CLSTN2: variants seen among roughly 807,000 people sequenced by gnomAD.
CLSTN2 encodes calsyntenin-2.
CLSTN2 carries 48 observed loss-of-function variants against 101.2 expected under a neutral mutation model. That is an observed-to-expected ratio of 0.47 (90% CI 0.38 to 0.60). CLSTN2 has a LOEUF of 0.60. Among genes scored for constraint, CLSTN2 ranks in the 20% least tolerant of loss-of-function variants. The probability of loss-of-function intolerance (pLI) is 0.00; values close to 1 mark genes in which losing one functional copy is unlikely to be tolerated. For synonymous variants in CLSTN2, 481 were observed against 463.6 expected (o/e 1.04, Z -0.48); for missense variants, 1,160 against 1,238.2 (o/e 0.94, Z 0.95).
At chr3:140,047,787 T>C (rs1242196364) in intron 1 of CLSTN2, among the ~76,000 whole-genome samples, 1 of 152,204 alleles carries the variant, frequency 6.6e-6, no homozygotes, top group East Asian at 1.9e-4. Context: ...AACCCATTAG[T>C]TCGTTAACAC....
At chr3:140,385,403 C>T (rs1365484689) in intron 2 of CLSTN2, among the ~76,000 whole-genome samples, 1 of 129,458 alleles carries the variant, frequency 7.7e-6, no homozygotes, top group African/African-American at 3.1e-5. Context: ...TGGCGTCTCG[C>T]TGTCGCCCAG....
chr3:139,957,280 C>T (rs557379492), intron 1 of CLSTN2, among the ~76,000 whole-genome samples: 1 of 152,196 alleles, frequency 6.6e-6, no homozygotes, highest in South Asian at 2.1e-4. Context: ...CCAGGCAGCA[C>T]CACTTACTCT....
At chr3:140,428,439 C>G (rs539299642) in intron 5 of CLSTN2, among the ~76,000 whole-genome samples, 2 of 152,264 alleles carry the variant, frequency 1.3e-5, no homozygotes, top group South Asian at 4.2e-4. Flanking sequence ...TTGAAGAGAG[C>G]CACCGGAGAC....
At chr3:140,500,490 G>C (rs1227788862) in intron 8 of CLSTN2, among the ~76,000 whole-genome samples, 4 of 152,170 alleles carry the variant, frequency 2.6e-5, no homozygotes, top group Non-Finnish European at 5.9e-5. Context: ...TATACTAAAG[G>C]ACAAGAAATT....
At chr3:140,176,167 G>A in intron 2 of CLSTN2, 94 bp downstream of exon 2, 1 of 1,368,782 alleles carries the variant, frequency 7.3e-7, no homozygotes, top group Non-Finnish European at 1.0e-6. Context: ...TATAGCTATT[G>A]TCACCACCCT....
At chr3:140,186,198 T>C (rs747403454) in intron 2 of CLSTN2, among the ~76,000 whole-genome samples, 13 of 152,122 alleles carry the variant, frequency 8.5e-5, no homozygotes, top group Non-Finnish European at 1.6e-4. Context: ...ATCAATGATA[T>C]TGAGAACCAG....
intron 2 of CLSTN2, among the ~76,000 whole-genome samples, chr3:140,275,913 G>C (rs2086790601): frequency 6.6e-6 from 1 of 152,188 alleles, no homozygotes; most frequent in African/African-American, 2.4e-5. Context: ...GATCTTGAAG[G>C]GTAGGAGTTA....
chr3:140,334,637 A>T (rs972653652), intron 2 of CLSTN2, among the ~76,000 whole-genome samples: 1 of 152,238 alleles, frequency 6.6e-6, no homozygotes, highest in Non-Finnish European at 1.5e-5. Flanking sequence ...AAATGACAGA[A>T]TGAAGGGACA....
chr3:139,960,370 A>G (rs982941697), intron 1 of CLSTN2, among the ~76,000 whole-genome samples: 9 of 152,086 alleles, frequency 5.9e-5, no homozygotes, highest in African/African-American at 1.7e-4. Flanking sequence ...TCTCCTCACT[A>G]TATTCTCTGT....
At chr3:140,539,370 A>G (rs1935423203) in intron 9 of CLSTN2, among the ~76,000 whole-genome samples, 1 of 152,212 alleles carries the variant, frequency 6.6e-6, no homozygotes, top group Admixed American at 6.5e-5. Flanking sequence ...TCAATTTGAT[A>G]TGGGGGTGCA....
In CLSTN2 at chr3:140,359,016, A is replaced by G. The variant is rs1160374619; in HGVS notation, c.233-44613A>G. Among the ~76,000 whole-genome samples, 5 of 152,128 alleles carry G rather than the reference A, an allele frequency of 3.3e-5. 1 individual carries two copies. On this transcript the variant is annotated intron_variant, in intron 2 of 16. Transcript: ENST00000458420. ...CCAACATTCAGACATCTATACCAAG[A>G]GCAAAGATCCTGTCGTTCAAAGTGT...
intron 2 of CLSTN2, among the ~76,000 whole-genome samples, chr3:140,400,713 A>G (rs13096759): frequency 0.11 from 17,206 of 151,700 alleles, 1,137 homozygotes; most frequent in African/African-American, 0.17. Flanking sequence ...AAAAAAACTC[A>G]GGACAGAGAC....
At chr3:140,135,951 A>G (rs1347071087) in intron 1 of CLSTN2, among the ~76,000 whole-genome samples, 1 of 152,220 alleles carries the variant, frequency 6.6e-6, no homozygotes, top group Non-Finnish European at 1.5e-5. Flanking sequence ...ATCTTGGAGC[A>G]TTAATATGAG....
chr3:140,199,260 G>T (rs888824784), intron 2 of CLSTN2, among the ~76,000 whole-genome samples: 1 of 152,188 alleles, frequency 6.6e-6, no homozygotes, highest in Non-Finnish European at 1.5e-5. Flanking sequence ...GCTCTTTTGA[G>T]GGGGAAATGA....
intron 2 of CLSTN2, among the ~76,000 whole-genome samples, chr3:140,220,098 G>T (rs2086254385): frequency 6.6e-6 from 1 of 152,184 alleles, no homozygotes; most frequent in Non-Finnish European, 1.5e-5. Flanking sequence ...ATGCTATACT[G>T]CCTCTACTGC....
At chr3:140,040,514 G>A (rs1263318455) in intron 1 of CLSTN2, among the ~76,000 whole-genome samples, 1 of 151,838 alleles carries the variant, frequency 6.6e-6, no homozygotes, top group Non-Finnish European at 1.5e-5. Flanking sequence ...TGCTTGGGAG[G>A]TGGAGAGAAG....
chr3:139,970,357 G>T (rs1935674537), intron 1 of CLSTN2, among the ~76,000 whole-genome samples: 1 of 152,166 alleles, frequency 6.6e-6, no homozygotes. Flanking sequence ...ATAGATGGTG[G>T]TCATTATAAT....
chr3:140,023,623 G>T (rs947261623), intron 1 of CLSTN2, among the ~76,000 whole-genome samples: 2 of 152,146 alleles, frequency 1.3e-5, no homozygotes, highest in African/African-American at 4.8e-5. Flanking sequence ...GGGGGGAGCT[G>T]CTCTGTGTCC....
chr3:140,439,225 T>G (rs2088732274), intron 5 of CLSTN2, among the ~76,000 whole-genome samples: 1 of 152,234 alleles, frequency 6.6e-6, no homozygotes, highest in Non-Finnish European at 1.5e-5. Context: ...CAATGCAGTC[T>G]GCTCAGCAAG....
Sources: gnomAD v4.1 joint callset for allele counts (sites outside exome capture counted in the v4.1 genomes callset) on GRCh38, gnomAD v4.1.1 for gene constraint, MANE v1.5 for transcripts, NCBI Gene and HGNC (gene_info 2026-07-23, HGNC 2026-07-21) for gene names.